NKD1: variants seen among roughly 807,000 people sequenced by gnomAD.
The protein encoded by NKD1 is NKD inhibitor of Wnt signaling pathway 1.
A neutral mutation model predicts 56.0 loss-of-function variants in NKD1; 21 were observed. The observed-to-expected ratio is 0.38, with a 90% CI of 0.27 to 0.54. NKD1 has a LOEUF of 0.54. NKD1 is among the 20% of genes least tolerant of loss of function. NKD1 has a pLI of 0.82. For synonymous variants in NKD1, 263 were observed against 265.7 expected (o/e 0.99, Z 0.10); for missense variants, 578 against 642.7 (o/e 0.90, Z 1.09).
rs1350123389 is a variant in NKD1, at chr16:50,641,225, G to T, written c.*7444G>T. On this transcript the variant is annotated 3_prime_UTR_variant, in exon 10 of 10. Coordinates refer to ENST00000268459, the MANE Select transcript of NKD1 (RefSeq NM_033119.5). ...GCCTGTCATGGCCAGTTCAATGGTC[G>T]GGGCTGAACTATGTCTCTTGGTGCC... is the stretch of plus-strand genomic sequence containing the variant. The T allele has an allele frequency of 6.6e-6, 1 of 152,212 alleles. No individual in the cohort carries two copies. Among genetic ancestry groups the T allele is most frequent in the Non-Finnish European group, 1.5e-5 (1 of 68,080 alleles). 9.4% of individuals were successfully genotyped at this position (152,212 alleles called of 1,614,324 possible).
chr16:50,548,458 C>G lies in NKD1; in HGVS notation c.-96C>G. ...GCGCCGCCTCGGGCTCCGCTCGGCT[C>G]GGGGGCTGCTTCGGGAGGAGGAGAG... On this transcript the variant is annotated 5_prime_UTR_variant, in exon 1 of 10. Transcript: ENST00000268459. 1.0e-6 allele frequency: 1 copy of G among 991,204 alleles called. No individual in the cohort carries two copies. The highest frequency in any genetic ancestry group is 1.3e-6 in the Non-Finnish European group (1 of 747,570). 61.4% of individuals were successfully genotyped at this position (991,204 alleles called of 1,614,324 possible). A position where few individuals can be genotyped will look rare whatever the true frequency, so the allele number is the denominator to read the frequency against.
chr16:50,550,223 C>T (rs545404411), intron 3 of NKD1, among the ~76,000 whole-genome samples: 1 of 152,316 alleles, frequency 6.6e-6, no homozygotes, highest in East Asian at 1.9e-4. Flanking sequence ...GCCCCAGCTC[C>T]TGGCCTGGGA....
chr16:50,624,712 A>G (rs1962170981), intron 5 of NKD1, among the ~76,000 whole-genome samples: 1 of 152,166 alleles, frequency 6.6e-6, no homozygotes, highest in Admixed American at 6.5e-5. Context: ...GGAGCCATGT[A>G]GCATGCGCTC....
At chr16:50,548,636 GCTAA>G in intron 1 of NKD1, 58 bp downstream of exon 1, 2 of 1,452,832 alleles carry the variant, frequency 1.4e-6, no homozygotes, top group Non-Finnish European at 1.8e-6. Flanking sequence ...CGCCGCGGTC[GCTAA>G]CTCTCTCCCT....
At chr16:50,615,991 C>T (rs914760251) in intron 4 of NKD1, 6 of 442,898 alleles carry the variant, frequency 1.4e-5, no homozygotes, top group Admixed American at 4.8e-5. Flanking sequence ...CAGATTTACC[C>T]GCCTAATTAT....
chr16:50,597,757 T>C (rs1961504891), intron 3 of NKD1, among the ~76,000 whole-genome samples: 1 of 152,128 alleles, frequency 6.6e-6, no homozygotes, highest in Non-Finnish European at 1.5e-5. Context: ...CATCGTGCAC[T>C]GCTGCGTGGC....
intron 3 of NKD1, chr16:50,606,573 A>G (rs1244571130): frequency 2.9e-6 from 1 of 349,606 alleles, no homozygotes; most frequent in East Asian, 7.5e-5. Flanking sequence ...TGCCTTGAGC[A>G]CATGCGGTCA....
In NKD1 at chr16:50,621,598, A is replaced by C; in HGVS notation, c.260-4A>C. 1 of 1,612,040 alleles carries C rather than the reference A, an allele frequency of 6.2e-7. No individual in the cohort carries two copies. The stretch of plus-strand genomic sequence containing the variant: ...TAATGCTCCCTCGCCTGCCTCCCCG[A>C]CAGTGGCCCTGCCTCCTGAGAAGAC... On this transcript the variant is annotated splice_region_variant and splice_polypyrimidine_tract_variant and intron_variant, in intron 4 of 9. Coordinates refer to ENST00000268459, the MANE Select transcript of NKD1 (RefSeq NM_033119.5).
chr16:50,605,463 A>G (rs1019717295), intron 3 of NKD1, among the ~76,000 whole-genome samples: 1 of 152,196 alleles, frequency 6.6e-6, no homozygotes, highest in Non-Finnish European at 1.5e-5. Context: ...ACACGCTTAC[A>G]CAGTTGGCCC....
intron 3 of NKD1, among the ~76,000 whole-genome samples, chr16:50,579,711 C>T (rs566370438): frequency 2.5e-4 from 35 of 141,882 alleles, no homozygotes; most frequent in African/African-American, 9.3e-4. Flanking sequence ...GCGGGCTACC[C>T]GCTACACACG....
chr16:50,562,988 C>CCCCCCCCCCG (rs1960672143), intron 3 of NKD1, among the ~76,000 whole-genome samples: 3 of 101,844 alleles, frequency 2.9e-5, no homozygotes, highest in Admixed American at 9.1e-5. Context: ...CCACCACCAC[C>CCCCCCCCCCG]CCCCCCCCCC....
intron 3 of NKD1, among the ~76,000 whole-genome samples, chr16:50,554,511 C>T (rs189721260): frequency 2.4e-3 from 362 of 152,318 alleles, no homozygotes; most frequent in African/African-American, 8.3e-3. Context: ...TCCTTTAATT[C>T]CTGCTTCCAA....
chr16:50,589,497 C>T, intron 3 of NKD1, among the ~76,000 whole-genome samples: 1 of 152,158 alleles, frequency 6.6e-6, no homozygotes, highest in Non-Finnish European at 1.5e-5. Context: ...CACTTGCAGC[C>T]CACTCTAGTC....
Position 50,630,272 on chromosome 16 carries a change from A to G in NKD1, c.549A>G (p.Val183=), listed in dbSNP as rs370377126. The change falls in exon 7 of 10, where the codon GTA becomes GTG. Residue 183 remains valine, a synonymous_variant. Transcript: ENST00000268459. ...HSPTSSKMLR[V]KLTVAPDGSQ... The stretch of plus-strand genomic sequence containing the variant: ...CAACATCCAGCAAGATGCTGCGGGT[A>G]AAGCTCACCGTGGCCCCCGATGGCA... 31 of 1,614,062 alleles carry G rather than the reference A, an allele frequency of 1.9e-5. No individual in the cohort carries two copies. In the African/African-American group the frequency reaches 2.8e-4, roughly 15 times the overall value.
intron 3 of NKD1, among the ~76,000 whole-genome samples, chr16:50,563,229 T>C (rs996396763): frequency 1.3e-5 from 2 of 152,242 alleles, no homozygotes; most frequent in African/African-American, 4.8e-5. Context: ...GCTACCTCAT[T>C]GGACAGCACA....
intron 3 of NKD1, chr16:50,558,488 G>T (rs1028265736): frequency 4.6e-5 from 7 of 152,264 alleles, no homozygotes; most frequent in Admixed American, 4.6e-4. Context: ...GATGCAGGCT[G>T]CATCCAAGGC....
Position 50,632,502 on chromosome 16 carries a change from A to G in NKD1, c.823+94A>G. 8.0e-7 allele frequency: 1 copy of G among 1,243,606 alleles called. No homozygotes were observed. Among genetic ancestry groups the G allele is most frequent in the Non-Finnish European group, 1.2e-6 (1 of 861,996 alleles). 77.0% of individuals were successfully genotyped at this position (1,243,606 alleles called of 1,614,324 possible). On this transcript the variant is annotated intron_variant, in intron 9 of 9. Coordinates refer to ENST00000268459, the MANE Select transcript of NKD1 (RefSeq NM_033119.5). This position sits in a 1 kb window ranked among gnomAD's most constrained non-coding sequence, Gnocchi z 4.1. ...TGCGGGTGGTGTTCACTGCTACCCC[A>G]GGCTTCGGTAAGACAACTATTATGG...
intron 3 of NKD1, chr16:50,574,167 T>C: frequency 3.1e-6 from 3 of 962,962 alleles, no homozygotes; most frequent in Non-Finnish European, 3.7e-6. Context: ...AATGCAGGAC[T>C]GCCTATGTTC....
At chr16:50,594,433 G>C (rs1446283355) in intron 3 of NKD1, among the ~76,000 whole-genome samples, 2 of 152,226 alleles carry the variant, frequency 1.3e-5, no homozygotes, top group Non-Finnish European at 2.9e-5. Flanking sequence ...TGAGGTCAGG[G>C]ACTGCAGAAA....
Sources: allele counts gnomAD v4.1 joint callset (sites outside exome capture counted in the v4.1 genomes callset), GRCh38; gene constraint gnomAD v4.1.1; non-coding constraint Gnocchi (gnomAD v3.1); transcripts MANE v1.5; gene names NCBI Gene and HGNC (gene_info 2026-07-23, HGNC 2026-07-21).